The following GUSB variants were observed in gnomAD, a reference collection of about 807,000 sequenced individuals.
GUSB encodes the protein beta-glucuronidase.
GUSB carries 51 observed loss-of-function variants against 74.6 expected under a neutral mutation model. The ratio of observed to expected loss-of-function variants is 0.68; its 90% CI spans 0.55 to 0.86. The LOEUF (loss-of-function observed/expected upper bound fraction) is 0.86. GUSB is among the 40% of genes least tolerant of loss of function. The pLI, the probability that GUSB is intolerant of heterozygous loss-of-function variation, is 0.00. For missense variants in GUSB, 736 were observed against 853.7 expected (o/e 0.86, Z 1.72); for synonymous variants, 360 against 348.3 (o/e 1.03, Z -0.37).
chr7:65,979,839 C>T lies in GUSB; in HGVS notation c.469G>A (p.Val157Ile), dbSNP rs1791869029. Residue 157 changes from valine to isoleucine, a missense_variant, in exon 3 of 12, where the codon GTC (valine) becomes ATC (isoleucine). Physicochemically the swap from Val to Ile is conservative, Grantham distance 29. Around this residue, in one of 2 missense-constraint regions of GUSB, gnomAD observed 368 missense variants for 363.8 expected, o/e 1.01. Transcript: ENST00000304895. ...LPFEADISNL[V>I]QVGPLPSRLR... ...CGGGAGGGCAGGGGCCCCACCTGGA[C>T]CAGGTTGCTGATGTCGGCCTCGAAG... The T allele has an allele frequency of 6.2e-7, 1 of 1,613,684 alleles. No homozygotes were observed. Among genetic ancestry groups the T allele is most frequent in the Non-Finnish European group, 8.5e-7 (1 of 1,179,934 alleles).
rs374209414 is a variant in GUSB at position 65,961,092 on chromosome 7, G to A, written c.1790-29C>T. On this transcript the variant is annotated intron_variant, in intron 11 of 11. Transcript: ENST00000304895. ...CAAAAAAAAAAAAAAGACACAAAGCGATTCAGATGTCTTCTGATGGGTCAA... is the reference window on the plus strand; with the variant it reads ...CAAAAAAAAAAAAAAGACACAAAGCAATTCAGATGTCTTCTGATGGGTCAA... 248 of 1,590,390 alleles carry A rather than the reference G, an allele frequency of 1.6e-4. 5 individuals carry two copies. The South Asian group carries it at 2.4e-3, about 16-fold the overall frequency.
intron 11 of GUSB, among the ~76,000 whole-genome samples, chr7:65,962,745 G>C (rs1191012997): frequency 3.9e-5 from 6 of 151,942 alleles, no homozygotes; most frequent in African/African-American, 1.4e-4. Context: ...GGTGGCGCAT[G>C]CCTGCAATCC....
chr7:65,962,167 G>A (rs926802236), intron 11 of GUSB, among the ~76,000 whole-genome samples: 1 of 152,174 alleles, frequency 6.6e-6, no homozygotes, highest in Non-Finnish European at 1.5e-5. Context: ...CCTAGTGGGA[G>A]CCAGGGTCCT....
Position 65,960,841 on chromosome 7 carries a change from T to G in GUSB, c.*56A>C. On this transcript the variant is annotated 3_prime_UTR_variant, in exon 12 of 12. Transcript: ENST00000304895. ...GTCCAGGAGGCACTTGTTCTGCTGC[T>G]GTGGAAGTCGCCCTGACTCGGGGAG... 1 of 1,456,414 alleles carries G rather than the reference T, an allele frequency of 6.9e-7. No homozygotes were observed. Among genetic ancestry groups the G allele is most frequent in the Non-Finnish European group, 9.6e-7 (1 of 1,036,610 alleles). 90.2% of individuals were successfully genotyped at this position (1,456,414 alleles called of 1,614,324 possible).
intron 9 of GUSB, among the ~76,000 whole-genome samples, chr7:65,968,480 G>A (rs1790988634): frequency 6.6e-6 from 1 of 152,144 alleles, no homozygotes; most frequent in Admixed American, 6.6e-5. Flanking sequence ...CCCCACCACT[G>A]GAACTGACTC....
At chr7:65,965,217 G>A (rs1207381020) in intron 10 of GUSB, among the ~76,000 whole-genome samples, 1 of 151,974 alleles carries the variant, frequency 6.6e-6, no homozygotes, top group Non-Finnish European at 1.5e-5. Flanking sequence ...ACTAGTCTAG[G>A]CAACACAGTG....
chr7:65,974,207 C>G (rs994900810), intron 8 of GUSB, 88 bp downstream of exon 8: 34 of 1,322,556 alleles, frequency 2.6e-5, no homozygotes, highest in Non-Finnish European at 3.5e-5. Flanking sequence ...GACACGAGGC[C>G]GATCTTGAAC....
At position 65,981,877 on chromosome 7, in the gene GUSB, G is replaced by A. The variant is rs551143349; in HGVS notation, c.210+97C>T. 2.1e-3 allele frequency: 2,341 copies of A among 1,112,604 alleles called. 22 individuals carry two copies. Among genetic ancestry groups the A allele is most frequent in the South Asian group, 0.012 (795 of 65,412 alleles). The allele number at this position is 1,112,604 out of a possible 1,614,324, so 68.9% of individuals were successfully genotyped here. ...TTTAACCTCCTGCGGGCCCCAGCTC[G>A]GAGACGCCCAGGGGAAGAAGTCTGC... On this transcript the variant is annotated intron_variant, in intron 1 of 11. Coordinates refer to ENST00000304895, the MANE Select transcript of GUSB (RefSeq NM_000181.4).
At chr7:65,972,549 T>C (rs1224823013) in intron 8 of GUSB, among the ~76,000 whole-genome samples, 1 of 152,140 alleles carries the variant, frequency 6.6e-6, no homozygotes, top group Admixed American at 6.6e-5. Context: ...GCTCTGCCTA[T>C]CCGAAGGCTG....
chr7:65,964,302 A>T, intron 11 of GUSB, 21 bp downstream of exon 11: 2 of 1,606,326 alleles, frequency 1.2e-6, no homozygotes, highest in Non-Finnish European at 1.7e-6. Context: ...ACGTTATCCC[A>T]TGAGCCAAAC....
rs1309978801 is a variant in GUSB at position 65,960,933 on chromosome 7, G to C, written c.1920C>G (p.Ala640=). Residue 640 remains alanine (A), a synonymous_variant, in exon 12 of 12, where the codon GCC becomes GCG. Transcript: ENST00000304895. ...GGCTGTTTTCCAAACATTGTGACTT[G>C]GCTACTGAGTGGGGATACCTGGTTT... is the stretch of plus-strand genomic sequence containing the variant. ...ANETRYPHSV[A]KSQCLENSLF... 1 of 1,613,928 alleles carries C rather than the reference G, an allele frequency of 6.2e-7. No individual in the cohort carries two copies. The highest frequency in any genetic ancestry group is 2.2e-5 in the East Asian group (1 of 44,868).
Position 65,964,316 on chromosome 7 carries a change from C to T in GUSB, c.1789+7G>A. The T allele has an allele frequency of 3.1e-6, 5 of 1,610,842 alleles. No homozygotes were observed. Among genetic ancestry groups the T allele is most frequent in the Non-Finnish European group, 4.2e-6 (5 of 1,178,798 alleles). On this transcript the variant is annotated splice_region_variant and intron_variant, in intron 11 of 11. Transcript: ENST00000304895. ...TACGTTATCCCATGAGCCAAACTGCCACTTACACTGTTCAGTCATGAAATC... is the reference window on the plus strand; with the variant it reads ...TACGTTATCCCATGAGCCAAACTGCTACTTACACTGTTCAGTCATGAAATC...
Position 65,964,398 on chromosome 7 carries a change from C to A in GUSB, c.1714G>T (p.Gly572Cys). ...QKSLLEQYHL[G>C]LDQKRRKYVV... The stretch of plus-strand genomic sequence containing the variant: ...TATTTTCTGCGTTTTTGATCCAGAC[C>A]CAGATGGTACTGCTCTAGCAGACTT... The change falls in exon 11 of 12, where the codon GGT becomes TGT. Residue 572 changes from glycine to cysteine, a missense_variant. Physicochemically the swap from Gly to Cys is radical, Grantham distance 159. Transcript: ENST00000304895. 1 of 1,610,612 alleles carries A rather than the reference C, an allele frequency of 6.2e-7. No homozygotes were observed. The highest frequency in any genetic ancestry group is 1.1e-5 in the South Asian group (1 of 90,966).
chr7:65,964,480 A>T, intron 10 of GUSB, 22 bp from the exon 11 acceptor site: 2 of 1,608,914 alleles, frequency 1.2e-6, no homozygotes, highest in Non-Finnish European at 1.7e-6. Flanking sequence ...GGCAAAGAGA[A>T]TGTAAGAGTC....
At position 65,961,083 on chromosome 7, in the gene GUSB, A is replaced by T. The variant is rs1165609185; in HGVS notation, c.1790-20T>A. 5.0e-6 allele frequency: 8 copies of T among 1,599,492 alleles called. No homozygotes were observed. The highest frequency in any genetic ancestry group is 6.9e-6 in the Non-Finnish European group (8 of 1,167,570). Reference sequence around the variant, plus strand: ...TCGGTGCTACAAAAAAAAAAAAAAGACACAAAGCGATTCAGATGTCTTCTG... The same window carrying T: ...TCGGTGCTACAAAAAAAAAAAAAAGTCACAAAGCGATTCAGATGTCTTCTG... On this transcript the variant is annotated intron_variant, in intron 11 of 11. Coordinates refer to ENST00000304895, the MANE Select transcript of GUSB (RefSeq NM_000181.4).
intron 2 of GUSB, 40 bp downstream of exon 2, chr7:65,980,184 T>TTGGGGGG: frequency 4.2e-6 from 3 of 720,090 alleles, no homozygotes; most frequent in Non-Finnish European, 7.4e-6. Flanking sequence ...TCAGCAGCCG[T>TTGGGGGG]GCCCCCCCAC....
chr7:65,981,964 G>C lies in GUSB; in HGVS notation c.210+10C>G. The C allele has an allele frequency of 1.9e-6, 3 of 1,602,688 alleles. No homozygotes were observed. Among genetic ancestry groups the C allele is most frequent in the Non-Finnish European group, 2.5e-6 (3 of 1,177,076 alleles). ...TTCGGGCGCCTCCCGGCCCTGCCCC[G>C]AGATCGCACCTCCCACAGCGGCCGC... On this transcript the variant is annotated intron_variant, in intron 1 of 11. Coordinates refer to ENST00000304895, the MANE Select transcript of GUSB (RefSeq NM_000181.4).
In GUSB at chr7:65,960,806, G is replaced by T; in HGVS notation, c.*91C>A. ...ACCCAGGCCAGAAACGTTCTGGTCTGCCGTGAACAGTCCAGGAGGCACTTG... is the reference window on the plus strand; with the variant it reads ...ACCCAGGCCAGAAACGTTCTGGTCTTCCGTGAACAGTCCAGGAGGCACTTG... On this transcript the variant is annotated 3_prime_UTR_variant, in exon 12 of 12. Transcript: ENST00000304895. 9.5e-7 allele frequency: 1 copy of T among 1,047,414 alleles called. No homozygotes were observed. 64.9% of individuals were successfully genotyped at this position (1,047,414 alleles called of 1,614,324 possible).
Position 65,979,767 on chromosome 7 carries a change from G to A in GUSB, c.541C>T (p.Leu181=). The A allele has an allele frequency of 6.2e-7, 1 of 1,613,848 alleles. No homozygotes were observed. Among genetic ancestry groups the A allele is most frequent in the South Asian group, 1.1e-5 (1 of 91,084 alleles). ...AINNTLTPTT[L]PPGTIQYLTD... ...AGGTATTGGATGGTCCCTGGTGGCAGGGTGGTGGGGGTGAGTGTGTTGTTG... is the reference window on the plus strand; with the variant it reads ...AGGTATTGGATGGTCCCTGGTGGCAAGGTGGTGGGGGTGAGTGTGTTGTTG... Residue 181 remains leucine (L), a synonymous_variant, in exon 3 of 12, where the codon CTG becomes TTG. Coordinates refer to ENST00000304895, the MANE Select transcript of GUSB (RefSeq NM_000181.4).
Sources: gnomAD v4.1 joint callset for allele counts (sites outside exome capture counted in the v4.1 genomes callset) on GRCh38, gnomAD v4.1.1 for gene constraint, gnomAD v4.1.1 regional missense constraint, MANE v1.5 for transcripts, NCBI Gene and HGNC (gene_info 2026-07-23, HGNC 2026-07-21) for gene names.